GNA14: variants seen among roughly 807,000 people sequenced by gnomAD.
The protein encoded by GNA14 is G protein subunit alpha 14.
A neutral mutation model predicts 42.0 loss-of-function variants in GNA14; 50 were observed. The observed-to-expected ratio is 1.19, with a 90% CI of 0.95 to 1.51. The LOEUF (loss-of-function observed/expected upper bound fraction) is 1.51, where lower values mean the gene tolerates loss of function less well. Ranked by LOEUF, GNA14 falls within the 40% of genes most tolerant of loss-of-function variation. The pLI, the probability that GNA14 is intolerant of heterozygous loss-of-function variation, is 0.00. For missense variants in GNA14, 473 were observed against 446.2 expected, an observed-to-expected ratio of 1.06 and a Z score of -0.54; for synonymous variants, 173 against 163.1, an observed-to-expected ratio of 1.06 and a Z score of -0.46.
At chr9:77,639,498 C>G (rs963533777) in intron 1 of GNA14, among the ~76,000 whole-genome samples, 1 of 152,246 alleles carries the variant, frequency 6.6e-6, no homozygotes, top group African/African-American at 2.4e-5. Context: ...CTGTGTCACA[C>G]TGCCTCCCCC....
At chr9:77,490,704 C>G (rs1335426599) in intron 2 of GNA14, among the ~76,000 whole-genome samples, 2 of 152,326 alleles carry the variant, frequency 1.3e-5, no homozygotes, top group East Asian at 3.9e-4. Context: ...CCACGCCCAC[C>G]CGGAACCCCA....
chr9:77,621,676 G>A (rs1823925465), intron 1 of GNA14, among the ~76,000 whole-genome samples: 2 of 152,070 alleles, frequency 1.3e-5, no homozygotes, highest in Non-Finnish European at 1.5e-5. Context: ...AAGATGGTTA[G>A]GGGAAGCTCA....
At chr9:77,562,598 G>C (rs544718972) in intron 1 of GNA14, among the ~76,000 whole-genome samples, 1 of 152,130 alleles carries the variant, frequency 6.6e-6, no homozygotes, top group Non-Finnish European at 1.5e-5. Flanking sequence ...CTATTCATAC[G>C]TGGTAAAAGT....
In GNA14 at chr9:77,633,668, G is replaced by A. The variant is rs1407289419; in HGVS notation, c.124+14002C>T. ...GAGAGGATGGCAAGAAGCGGGCACA[G>A]CAGATATTTGCCCCCATGGGGTAGA... On this transcript the variant is annotated intron_variant, in intron 1 of 6. Transcript: ENST00000341700. Among the ~76,000 whole-genome samples the A allele has an allele frequency of 2.6e-5, 4 of 151,726 alleles. No individual in the cohort carries two copies. In the East Asian group the frequency reaches 5.8e-4, roughly 22 times the overall value.
chr9:77,577,235 C>A (rs1039550193), intron 1 of GNA14, among the ~76,000 whole-genome samples: 1 of 152,116 alleles, frequency 6.6e-6, no homozygotes, highest in South Asian at 2.1e-4. Flanking sequence ...AGCTTGGACA[C>A]CTGAATTTAC....
chr9:77,600,282 C>A (rs547783727), intron 1 of GNA14, among the ~76,000 whole-genome samples: 2 of 152,280 alleles, frequency 1.3e-5, no homozygotes, highest in South Asian at 4.1e-4. Context: ...TTTTCCCAAA[C>A]CAGCTATTTT....
At chr9:77,646,688 C>G (rs1034872523) in intron 1 of GNA14, among the ~76,000 whole-genome samples, 6 of 152,130 alleles carry the variant, frequency 3.9e-5, no homozygotes, top group Admixed American at 1.3e-4. Flanking sequence ...AAGTTGAAAT[C>G]TTTGTGGCTA....
intron 1 of GNA14, among the ~76,000 whole-genome samples, chr9:77,551,586 C>G (rs1007183916): frequency 6.6e-6 from 1 of 151,830 alleles, no homozygotes; most frequent in Non-Finnish European, 1.5e-5. Context: ...AGCTGAAGCC[C>G]TCTTTCATGG....
At chr9:77,435,796 T>G (rs1382995647) in intron 2 of GNA14, among the ~76,000 whole-genome samples, 1 of 152,118 alleles carries the variant, frequency 6.6e-6, no homozygotes, top group Non-Finnish European at 1.5e-5. Context: ...CATTTCCCCG[T>G]GTTGGCCCCA....
intron 1 of GNA14, among the ~76,000 whole-genome samples, chr9:77,609,736 G>T (rs568467574): frequency 6.6e-6 from 1 of 152,160 alleles, no homozygotes; most frequent in South Asian, 2.1e-4. Flanking sequence ...CCTCTGTTGG[G>T]GTTCAGAAAA....
chr9:77,464,693 G>A (rs1325451021), intron 2 of GNA14, among the ~76,000 whole-genome samples: 5 of 152,100 alleles, frequency 3.3e-5, no homozygotes, highest in Admixed American at 6.5e-5. Context: ...GAAAACCGCC[G>A]TACCTATTAG....
rs189265095 is a variant in GNA14, at chr9:77,511,474, G to A, written c.309+17595C>T. Among the ~76,000 whole-genome samples, 100 of 152,318 alleles carry A rather than the reference G, an allele frequency of 6.6e-4. 2 individuals carry two copies. The highest frequency in any genetic ancestry group is 2.4e-3 in the African/African-American group (99 of 41,570). On this transcript the variant is annotated intron_variant, in intron 2 of 6. Transcript: ENST00000341700. ...TTGGAGAATGGGAAGCGTAACACAT[G>A]TGTGTGTCCTGCAAAGATAGGAGAG...
intron 1 of GNA14, among the ~76,000 whole-genome samples, chr9:77,553,344 T>C (rs916498802): frequency 3.2e-4 from 48 of 152,100 alleles, no homozygotes; most frequent in African/African-American, 9.9e-4. Flanking sequence ...ATAAATGGCA[T>C]CTCAGAGTAG....
intron 2 of GNA14, among the ~76,000 whole-genome samples, chr9:77,449,050 A>G (rs1474496813): frequency 6.6e-6 from 1 of 152,204 alleles, no homozygotes; most frequent in Non-Finnish European, 1.5e-5. Context: ...AGGATGTAAG[A>G]TTATAATGCA....
intron 1 of GNA14, among the ~76,000 whole-genome samples, chr9:77,629,961 G>A (rs1240132962): frequency 3.3e-5 from 5 of 151,996 alleles, no homozygotes; most frequent in Non-Finnish European, 5.9e-5. Context: ...CTTATTTATG[G>A]TATTTAAATC....
chr9:77,647,680 C>T lies in GNA14; in HGVS notation c.114G>A (p.Leu38=). Residue 38 remains leucine (L), a synonymous_variant, in exon 1 of 7, where the codon CTG becomes CTA. Coordinates refer to ENST00000341700, the MANE Select transcript of GNA14 (RefSeq NM_004297.4). ...GACGCAGCCACTCACCCAGCAGCAG[C>T]AGCTTAAGCTCACGGCGCGCGTCCT... is the stretch of plus-strand genomic sequence containing the variant. The part of the protein sequence containing the change: ...DKKDARRELK[L]LLLGTGESGK... 6.2e-7 allele frequency: 1 copy of T among 1,610,134 alleles called. No homozygotes were observed. The highest frequency in any genetic ancestry group is 8.5e-7 in the Non-Finnish European group (1 of 1,178,568).
intron 1 of GNA14, among the ~76,000 whole-genome samples, chr9:77,635,729 A>C (rs1474227541): frequency 6.6e-6 from 1 of 152,198 alleles, no homozygotes; most frequent in African/African-American, 2.4e-5. Flanking sequence ...CATATCTCAT[A>C]ATCAATGTTG....
In GNA14 at chr9:77,549,744, C is replaced by G. The variant is rs545663318; in HGVS notation, c.125-20491G>C. Among the ~76,000 whole-genome samples, 8 of 152,282 alleles carry G rather than the reference C, an allele frequency of 5.3e-5. No homozygotes were observed. The East Asian group carries it at 1.6e-3, about 30-fold the overall frequency. On this transcript the variant is annotated intron_variant, in intron 1 of 6. Coordinates refer to ENST00000341700, the MANE Select transcript of GNA14 (RefSeq NM_004297.4). ...TAAGAGTTGGGGAAAAGAGCCCCAA[C>G]TTTGGAGGACCTCATTTCGGCCCTC...
At chr9:77,558,281 ATCAG>A (rs1822822037) in intron 1 of GNA14, among the ~76,000 whole-genome samples, 1 of 146,426 alleles carries the variant, frequency 6.8e-6, no homozygotes, top group African/African-American at 2.6e-5. Flanking sequence ...GAACAGATAG[ATCAG>A]ATAGATAGAT....
Sources: gnomAD v4.1 joint callset for allele counts (sites outside exome capture counted in the v4.1 genomes callset) on GRCh38, gnomAD v4.1.1 for gene constraint, MANE v1.5 for transcripts, NCBI Gene and HGNC (gene_info 2026-07-23, HGNC 2026-07-21) for gene names.